The following UBE2F variants were observed in gnomAD, a reference collection of about 807,000 sequenced individuals.
UBE2F encodes the protein ubiquitin conjugating enzyme E2 F (putative), also known as NEDD8-conjugating enzyme UBE2F.
UBE2F carries 5 observed loss-of-function variants against 29.6 expected under a neutral mutation model. The ratio of observed to expected loss-of-function variants is 0.17; its 90% confidence interval spans 0.09 to 0.36. UBE2F has a LOEUF of 0.36. Among genes scored for constraint, UBE2F ranks in the 10% least tolerant of loss-of-function variants. UBE2F has a pLI of 1.00. For missense variants in UBE2F, 141 were observed against 228.5 expected, an observed-to-expected ratio of 0.62 and a Z score of 2.47; for synonymous variants, 66 against 81.8, an observed-to-expected ratio of 0.81 and a Z score of 1.04.
intron 4 of UBE2F, among the ~76,000 whole-genome samples, chr2:237,996,343 G>A (rs887768498): frequency 1.3e-5 from 2 of 152,130 alleles, no homozygotes; most frequent in African/African-American, 4.8e-5. Flanking sequence ...CTGTGGCTCT[G>A]CCCATCCCAA....
Position 237,985,900 on chromosome 2 carries a change from G to C in UBE2F, c.119-2063G>C, listed in dbSNP as rs573927883. ...GCAGCCATTCTAACAGGTGTGAGGTGATTTCTCATGATTTTGATTTGTATT... is the reference window on the plus strand; with the variant it reads ...GCAGCCATTCTAACAGGTGTGAGGTCATTTCTCATGATTTTGATTTGTATT... On this transcript the variant is annotated intron_variant, in intron 2 of 9. Transcript: ENST00000272930. Among the ~76,000 whole-genome samples the C allele has an allele frequency of 7.2e-5, 11 of 152,234 alleles. No homozygotes were observed. The East Asian group carries it at 1.9e-3, about 27-fold the overall frequency.
intron 1 of UBE2F, among the ~76,000 whole-genome samples, chr2:237,972,192 G>A (rs1239110528): frequency 1.3e-5 from 2 of 152,198 alleles, no homozygotes; most frequent in African/African-American, 4.8e-5. Flanking sequence ...ATGCAACACA[G>A]CATGAATAAA....
chr2:237,975,775 A>G (rs906223914), intron 2 of UBE2F, among the ~76,000 whole-genome samples: 8 of 152,182 alleles, frequency 5.3e-5, no homozygotes, highest in African/African-American at 1.9e-4. Flanking sequence ...AGTAGCTGGA[A>G]TTACAGGCAC....
intron 8 of UBE2F, 174 bp from the exon 9 acceptor site, chr2:238,035,704 C>T: frequency 1.8e-6 from 1 of 559,902 alleles, no homozygotes; most frequent in South Asian, 2.4e-5. Flanking sequence ...AAAAAATACC[C>T]ACATGTTCGA....
intron 4 of UBE2F, among the ~76,000 whole-genome samples, chr2:238,005,293 T>C (rs1170404465): frequency 6.6e-6 from 1 of 152,172 alleles, no homozygotes; most frequent in African/African-American, 2.4e-5. Context: ...CCTCCTGGGC[T>C]CAAGTTATCC....
intron 8 of UBE2F, among the ~76,000 whole-genome samples, chr2:238,034,571 G>T (rs2064661657): frequency 6.6e-6 from 1 of 152,064 alleles, no homozygotes; most frequent in African/African-American, 2.4e-5. Flanking sequence ...ATTTATCTTA[G>T]GTCTAACATA....
In UBE2F at chr2:237,967,176, C is replaced by T; in HGVS notation, c.-17+44C>T. The T allele has an allele frequency of 1.8e-6, 2 of 1,138,442 alleles. No homozygotes were observed. Among genetic ancestry groups the T allele is most frequent in the Non-Finnish European group, 2.2e-6 (2 of 927,748 alleles). 70.5% of individuals were successfully genotyped at this position (1,138,442 alleles called of 1,614,324 possible). On this transcript the variant is annotated intron_variant, in intron 1 of 9. Transcript: ENST00000272930. The surrounding 1 kb of genome is among the most constrained non-coding windows in gnomAD (Gnocchi z 6.3). ...GCTCTGCGGCGGGGCGAGGTGCGGCCGCCGGTGCACGGGCTGGCCTGCGGG... is the reference window on the plus strand; with the variant it reads ...GCTCTGCGGCGGGGCGAGGTGCGGCTGCCGGTGCACGGGCTGGCCTGCGGG...
Position 237,973,236 on chromosome 2 carries a change from T to C in UBE2F, c.118+11T>C. ...AATTGCTTGTTAAAGGTAATGATCA[T>C]TCGTGTGAACTGTTTTTATATCCTA... is the stretch of plus-strand genomic sequence containing the variant. On this transcript the variant is annotated intron_variant, in intron 2 of 9. Transcript: ENST00000272930. 6.2e-7 allele frequency: 1 copy of C among 1,611,986 alleles called. No homozygotes were observed. Among genetic ancestry groups the C allele is most frequent in the Non-Finnish European group, 8.5e-7 (1 of 1,178,122 alleles).
chr2:237,995,219 C>G (rs1424698171), intron 4 of UBE2F, among the ~76,000 whole-genome samples: 4 of 152,158 alleles, frequency 2.6e-5, no homozygotes, highest in Non-Finnish European at 5.9e-5. Flanking sequence ...TCTCATAGGA[C>G]AGTTGTGGGG....
intron 4 of UBE2F, among the ~76,000 whole-genome samples, chr2:238,007,857 G>T (rs2063939888): frequency 1.3e-5 from 2 of 152,066 alleles, no homozygotes; most frequent in African/African-American, 4.8e-5. Flanking sequence ...GTAATGAGTT[G>T]CCTAATTTTG....
At chr2:237,969,528 G>A (rs1211181420) in intron 1 of UBE2F, among the ~76,000 whole-genome samples, 2 of 152,210 alleles carry the variant, frequency 1.3e-5, no homozygotes, top group African/African-American at 4.8e-5. Flanking sequence ...CCCAAGGTCA[G>A]CCAGAGACCT....
intron 4 of UBE2F, among the ~76,000 whole-genome samples, chr2:237,999,058 TGAG>T (rs1415777162): frequency 6.6e-6 from 1 of 152,094 alleles, no homozygotes; most frequent in South Asian, 2.1e-4. Flanking sequence ...TGTCTTTTGT[TGAG>T]GAGGAATTTC....
chr2:237,985,584 T>G (rs2063465470), intron 2 of UBE2F, among the ~76,000 whole-genome samples: 1 of 152,248 alleles, frequency 6.6e-6, no homozygotes, highest in African/African-American at 2.4e-5. Context: ...TGTACCACAA[T>G]TTCTTTATCC....
chr2:238,020,707 T>G (rs1458842411), intron 5 of UBE2F, among the ~76,000 whole-genome samples: 1 of 152,222 alleles, frequency 6.6e-6, no homozygotes, highest in Admixed American at 6.5e-5. Flanking sequence ...TGTGTTTTTG[T>G]TCCTTTGCCT....
At chr2:238,006,000 G>T (rs2063896175) in intron 4 of UBE2F, among the ~76,000 whole-genome samples, 2 of 152,098 alleles carry the variant, frequency 1.3e-5, no homozygotes, top group Non-Finnish European at 2.9e-5. Flanking sequence ...ATCAATTTGG[G>T]GAGAATTGCT....
intron 8 of UBE2F, 47 bp downstream of exon 8, chr2:238,032,301 G>A (rs779629969): frequency 6.6e-7 from 1 of 1,517,542 alleles, no homozygotes; most frequent in South Asian, 1.1e-5. Flanking sequence ...TTTCCTTGTT[G>A]CTGGTTTTAG....
chr2:238,006,157 A>G (rs1331178218), intron 4 of UBE2F, among the ~76,000 whole-genome samples: 1 of 152,196 alleles, frequency 6.6e-6, no homozygotes, highest in Non-Finnish European at 1.5e-5. Flanking sequence ...GGAAGCTTAT[A>G]ATCCTAGCGG....
intron 7 of UBE2F, among the ~76,000 whole-genome samples, chr2:238,031,141 G>A (rs965210441): frequency 2.6e-5 from 4 of 152,194 alleles, no homozygotes; most frequent in East Asian, 1.9e-4. Context: ...CAGCTCCTCC[G>A]AGCTGTAGTC....
At chr2:237,973,022 C>A in intron 1 of UBE2F, 70 bp from the exon 2 acceptor site, 1 of 1,484,322 alleles carries the variant, frequency 6.7e-7, no homozygotes, top group Non-Finnish European at 9.0e-7. Context: ...AGCACTTATA[C>A]ATTTTTCTCA....
Sources: gnomAD v4.1 joint callset for allele counts (sites outside exome capture counted in the v4.1 genomes callset) on GRCh38, gnomAD v4.1.1 for gene constraint, Gnocchi (gnomAD v3.1) non-coding constraint, MANE v1.5 for transcripts, NCBI Gene and HGNC (gene_info 2026-07-23, HGNC 2026-07-21) for gene names.